BEND7: variants seen among roughly 807,000 people sequenced by gnomAD.
BEND7 encodes BEN domain-containing protein 7.
BEND7 carries 28 observed loss-of-function variants against 50.9 expected under a neutral mutation model. The ratio of observed to expected loss-of-function variants is 0.55; its 90% confidence interval spans 0.41 to 0.75. The LOEUF is 0.75. Among genes scored for constraint, BEND7 ranks in the 30% least tolerant of loss-of-function variants. The pLI is 0.00. For synonymous variants in BEND7, 170 were observed against 183.9 expected, an observed-to-expected ratio of 0.92 and a Z score of 0.61; for missense variants, 477 against 491.3, an observed-to-expected ratio of 0.97 and a Z score of 0.28.
intron 5 of BEND7, among the ~76,000 whole-genome samples, chr10:13,483,935 T>C (rs576166372): frequency 1.8e-4 from 28 of 152,204 alleles, no homozygotes; most frequent in Non-Finnish European, 3.7e-4. Context: ...TTCTGGTATC[T>C]GCCACAACTC....
chr10:13,526,408 T>C (rs1019337645), intron 1 of BEND7, among the ~76,000 whole-genome samples, 187 bp from the exon 2 acceptor site: 7 of 152,324 alleles, frequency 4.6e-5, no homozygotes, highest in Middle Eastern at 3.4e-3. Context: ...TATTCTGGAG[T>C]ACGCAAACTT....
At chr10:13,447,796 T>A (rs891633618) in intron 7 of BEND7, among the ~76,000 whole-genome samples, 1 of 152,184 alleles carries the variant, frequency 6.6e-6, no homozygotes. Flanking sequence ...TAAAACTTTT[T>A]AAAATCTTAT....
intron 2 of BEND7, among the ~76,000 whole-genome samples, chr10:13,517,235 T>A (rs1243530351): frequency 1.3e-5 from 2 of 152,144 alleles, no homozygotes; most frequent in South Asian, 2.1e-4. Flanking sequence ...ATTTTTGTAT[T>A]TTTTTGTAGA....
At chr10:13,446,037 G>A (rs556744756) in intron 8 of BEND7, 1 of 152,226 alleles carries the variant, frequency 6.6e-6, no homozygotes, top group Non-Finnish European at 1.5e-5. Context: ...GAACAACAGA[G>A]ATCACGTATT....
intron 8 of BEND7, 58 bp downstream of exon 8, chr10:13,447,206 AAT>A: frequency 6.4e-7 from 1 of 1,573,434 alleles, no homozygotes; most frequent in Non-Finnish European, 8.7e-7. Context: ...TTTCAATGCA[AAT>A]AGTTTTGTGG....
intron 5 of BEND7, among the ~76,000 whole-genome samples, chr10:13,488,778 C>T (rs145118229): frequency 0.012 from 1,822 of 152,296 alleles, 40 homozygotes; most frequent in African/African-American, 0.041. Context: ...TGAGCCACCG[C>T]GCCCGGCCTA....
chr10:13,481,259 T>C lies in BEND7; in HGVS notation c.838-135A>G, dbSNP rs1177816932. 16 of 817,174 alleles carry C rather than the reference T, an allele frequency of 2.0e-5. No homozygotes were observed. The African/African-American group carries it at 2.8e-4, about 14-fold the overall frequency. The allele number at this position is 817,174 out of a possible 1,614,324, so 50.6% of individuals were successfully genotyped here. On this transcript the variant is annotated intron_variant, in intron 5 of 8. Transcript: ENST00000466271. ...AAATGAAAACACTCTTGGCTTTCTT[T>C]GTCTGCCAGGATCTGCTATTTATAA...
rs2076732535 is a variant in BEND7 at position 13,492,470 on chromosome 10, AATT to A, written c.837+138_837+140del. 2.7e-6 allele frequency: 3 copies of A among 1,130,890 alleles called. No individual in the cohort carries two copies. In the East Asian group the frequency reaches 8.1e-5, roughly 30 times the overall value. 70.1% of individuals were successfully genotyped at this position (1,130,890 alleles called of 1,614,324 possible). On this transcript the variant is annotated intron_variant, in intron 5 of 8. Transcript: ENST00000466271. The stretch of plus-strand genomic sequence containing the variant: ...CAGAAAAGAAAACTCCAGACAAGAA[AATT>A]ATTACCAGTCTTCTTTTCTTCTTTC...
chr10:13,443,653 A>G (rs551718448), intron 8 of BEND7: 1 of 152,394 alleles, frequency 6.6e-6, no homozygotes, highest in Admixed American at 6.5e-5. Context: ...TTACTATTAG[A>G]GTATATCCAC....
chr10:13,458,267 A>T (rs1179659878), intron 6 of BEND7, among the ~76,000 whole-genome samples: 5 of 152,234 alleles, frequency 3.3e-5, no homozygotes, highest in Non-Finnish European at 7.3e-5. Context: ...TCATGTAATC[A>T]TCATCAAGTG....
chr10:13,511,163 G>A (rs2078248779), intron 2 of BEND7: 1 of 152,222 alleles, frequency 6.6e-6, no homozygotes. Flanking sequence ...CTGGGCAACA[G>A]AGTGAGACTC....
Position 13,526,333 on chromosome 10 carries a change from T to C in BEND7, c.62-112A>G, listed in dbSNP as rs959025167. 1.6e-5 allele frequency: 5 copies of C among 311,352 alleles called. No individual in the cohort carries two copies. In the Admixed American group the frequency reaches 2.7e-4, roughly 17 times the overall value. The allele number at this position is 311,352 out of a possible 1,614,324, so 19.3% of individuals were successfully genotyped here. A position where few individuals can be genotyped will look rare whatever the true frequency, so the allele number is the denominator to read the frequency against. ...GTTTGTATACTCTATAATTTATAAA[T>C]AAACTTTTTGAGAACTGAAATAATC... is the stretch of plus-strand genomic sequence containing the variant. On this transcript the variant is annotated intron_variant, in intron 1 of 8. Coordinates refer to ENST00000466271, the MANE Select transcript of BEND7 (RefSeq NM_001369863.1).
intron 2 of BEND7, among the ~76,000 whole-genome samples, chr10:13,520,304 G>T (rs1016637926): frequency 6.6e-6 from 1 of 152,130 alleles, no homozygotes; most frequent in African/African-American, 2.4e-5. Flanking sequence ...TTCCCAGCAG[G>T]AGGGGCTTTC....
At chr10:13,502,502 C>T (rs1238866377) in intron 2 of BEND7, among the ~76,000 whole-genome samples, 18 of 152,032 alleles carry the variant, frequency 1.2e-4, no homozygotes, top group Admixed American at 1.1e-3. Context: ...AACGACCAAG[C>T]GAGATTTCAA....
chr10:13,521,582 G>A (rs181839902), intron 2 of BEND7, among the ~76,000 whole-genome samples: 161 of 152,352 alleles, frequency 1.1e-3, no homozygotes, highest in Non-Finnish European at 1.7e-3. Flanking sequence ...TGGAGCTTTT[G>A]TGGGGAGGAA....
intron 5 of BEND7, among the ~76,000 whole-genome samples, chr10:13,482,189 G>C (rs1190355711): frequency 1.3e-5 from 2 of 152,108 alleles, no homozygotes; most frequent in Non-Finnish European, 2.9e-5. Flanking sequence ...GCATATAGCA[G>C]GCACTCCATA....
chr10:13,516,898 T>C (rs1057243688), intron 2 of BEND7, among the ~76,000 whole-genome samples: 1 of 152,162 alleles, frequency 6.6e-6, no homozygotes. Context: ...AAGACCATTA[T>C]ATGTAAGTGT....
At chr10:13,447,159 T>G in intron 8 of BEND7, 107 bp downstream of exon 8, 3 of 1,172,338 alleles carry the variant, frequency 2.6e-6, no homozygotes, top group Non-Finnish European at 3.8e-6. Flanking sequence ...GCAGAAGCAG[T>G]TTGCTCAAGT....
intron 6 of BEND7, chr10:13,480,515 C>CTTT: frequency 3.9e-5 from 17 of 436,232 alleles, no homozygotes; most frequent in Non-Finnish European, 4.8e-5. Flanking sequence ...TTTACTTTAT[C>CTTT]TTTTTTTTTT....
Sources: gnomAD v4.1 joint callset for allele counts (sites outside exome capture counted in the v4.1 genomes callset) on GRCh38, gnomAD v4.1.1 for gene constraint, MANE v1.5 for transcripts, NCBI Gene and HGNC (gene_info 2026-07-23, HGNC 2026-07-21) for gene names.